The following TRDMT1 variants were observed in gnomAD, a reference collection of about 807,000 sequenced individuals.
TRDMT1 encodes the protein tRNA aspartic acid methyltransferase 1.
TRDMT1 carries 49 observed loss-of-function variants against 51.2 expected under a neutral mutation model. The ratio of observed to expected loss-of-function variants is 0.96; its 90% CI spans 0.76 to 1.21. The LOEUF is 1.21. Ranked by LOEUF, TRDMT1 falls within the 50% of genes most tolerant of loss-of-function variation. The pLI, the probability that TRDMT1 is intolerant of heterozygous loss-of-function variation, is 0.00. For missense variants in TRDMT1, 534 were observed against 462.3 expected (o/e 1.16, Z -1.42); for synonymous variants, 187 against 164.6 (o/e 1.14, Z -1.04).
In TRDMT1 at chr10:17,139,208, A is replaced by G; in HGVS notation, c.*9832T>C. 3 of 985,418 alleles carry G rather than the reference A, an allele frequency of 3.0e-6. No homozygotes were observed. In the South Asian group the frequency reaches 1.4e-4, roughly 46 times the overall value. 61.0% of individuals were successfully genotyped at this position (985,418 alleles called of 1,614,324 possible). On this transcript the variant is annotated 3_prime_UTR_variant, in exon 11 of 11. Transcript: ENST00000377799. ...CATCCTGTTCCAAATCAACCTAAAA[A>G]GGACAAAATGAGTTTTCTACTTGGT...
chr10:17,179,926 C>G (rs898469742), intron 1 of TRDMT1, among the ~76,000 whole-genome samples: 1 of 152,036 alleles, frequency 6.6e-6, no homozygotes, highest in African/African-American at 2.4e-5. Context: ...ATTTTCTTCC[C>G]AGGATATTTA....
chr10:17,195,204 C>G (rs7914746), intron 1 of TRDMT1, among the ~76,000 whole-genome samples: 2 of 151,990 alleles, frequency 1.3e-5, no homozygotes, highest in South Asian at 2.1e-4. Flanking sequence ...ATAGCAAAGA[C>G]GTGCCCATCA....
At chr10:17,151,847 C>T (rs545398538) in intron 10 of TRDMT1, 5 of 952,980 alleles carry the variant, frequency 5.2e-6, no homozygotes, top group Middle Eastern at 5.7e-4. Flanking sequence ...ATCACAATAA[C>T]TCTATGAAGC....
chr10:17,151,910 G>T, intron 10 of TRDMT1: 1 of 1,124,460 alleles, frequency 8.9e-7, no homozygotes, highest in Non-Finnish European at 1.1e-6. Flanking sequence ...GAAGGGAACG[G>T]TTAAGGTGGG....
At chr10:17,197,939 C>G (rs1845668461) in intron 1 of TRDMT1, among the ~76,000 whole-genome samples, 1 of 151,808 alleles carries the variant, frequency 6.6e-6, no homozygotes, top group Non-Finnish European at 1.5e-5. Context: ...GAGGCTGAGG[C>G]AGGAAGATCG....
At chr10:17,153,690 A>G in intron 9 of TRDMT1, 54 bp from the exon 10 acceptor site, 1 of 1,505,584 alleles carries the variant, frequency 6.6e-7, no homozygotes, top group Non-Finnish European at 8.9e-7. Context: ...TAGATTTAAG[A>G]TCTCCTGCTG....
rs1840173614 is a variant in TRDMT1, at chr10:17,160,422, C to A, written c.390-48G>T. 7.8e-6 allele frequency: 10 copies of A among 1,276,554 alleles called. No individual in the cohort carries two copies. The South Asian group carries it at 9.1e-5, about 12-fold the overall frequency. 79.1% of individuals were successfully genotyped at this position (1,276,554 alleles called of 1,614,324 possible). A position where few individuals can be genotyped will look rare whatever the true frequency, so the allele number is the denominator to read the frequency against. On this transcript the variant is annotated intron_variant, in intron 5 of 10. Coordinates refer to ENST00000377799, the MANE Select transcript of TRDMT1 (RefSeq NM_004412.7). ...TTAATTCTTACTTGGAAAGGCAGTT[C>A]TTATTTAAATAATGTACACAAAAGC...
chr10:17,181,942 T>C lies in TRDMT1; in HGVS notation c.65-7282A>G, dbSNP rs567169341. On this transcript the variant is annotated intron_variant, in intron 1 of 10. Coordinates refer to ENST00000377799, the MANE Select transcript of TRDMT1 (RefSeq NM_004412.7). ...GAAACTTACCTCACTCATGCTCTGT[T>C]GAAGTGGTTCAGATGGCCTCAAATC... Among the ~76,000 whole-genome samples, 4 of 152,304 alleles carry C rather than the reference T, an allele frequency of 2.6e-5. No individual in the cohort carries two copies. In the South Asian group the frequency reaches 8.3e-4, roughly 32 times the overall value.
chr10:17,148,170 T>C lies in TRDMT1; in HGVS notation c.*870A>G, dbSNP rs979478733. The C allele has an allele frequency of 5.1e-6, 5 of 985,300 alleles. No individual in the cohort carries two copies. The highest frequency in any genetic ancestry group is 4.8e-6 in the Non-Finnish European group (4 of 829,926). The allele number at this position is 985,300 out of a possible 1,614,324, so 61.0% of individuals were successfully genotyped here. On this transcript the variant is annotated 3_prime_UTR_variant, in exon 11 of 11. Coordinates refer to ENST00000377799, the MANE Select transcript of TRDMT1 (RefSeq NM_004412.7). ...CAGAGAAAGTTAAAAGTCATAAAAG[T>C]TCATTGAGAGTGTATGTTGCTACAA...
chr10:17,189,682 T>C (rs1844429611), intron 1 of TRDMT1, among the ~76,000 whole-genome samples: 1 of 152,204 alleles, frequency 6.6e-6, no homozygotes, highest in African/African-American at 2.4e-5. Flanking sequence ...TAGCGATCTA[T>C]TAAAGTTTAG....
chr10:17,201,290 T>A (rs143754388), intron 1 of TRDMT1: 528 of 403,978 alleles, frequency 1.3e-3, no homozygotes, highest in Non-Finnish European at 1.9e-3. Context: ...CCCTTTGAGG[T>A]TGATTTACTG....
At chr10:17,151,036 T>C (rs1045663105) in intron 10 of TRDMT1, 3 of 966,890 alleles carry the variant, frequency 3.1e-6, no homozygotes, top group Admixed American at 6.2e-5. Context: ...CATCTGTGCA[T>C]ATTTCTTTAA....
intron 3 of TRDMT1, among the ~76,000 whole-genome samples, chr10:17,163,860 T>C (rs1046179764): frequency 1.3e-5 from 2 of 152,230 alleles, no homozygotes; most frequent in African/African-American, 2.4e-5. Context: ...GGCTTTGAAA[T>C]TGAGGCAATA....
intron 1 of TRDMT1, among the ~76,000 whole-genome samples, chr10:17,188,084 T>C (rs988303220): frequency 6.7e-6 from 1 of 149,990 alleles, no homozygotes; most frequent in African/African-American, 2.4e-5. Context: ...AAACAAACTC[T>C]GTTTTTTGAA....
rs983703384 is a variant in TRDMT1, at chr10:17,137,990, A to G, written c.*11050T>C. 1.3e-5 allele frequency among the ~76,000 whole-genome samples: 2 copies of G among 152,164 alleles called. No individual in the cohort carries two copies. Among genetic ancestry groups the G allele is most frequent in the East Asian group, 3.9e-4 (2 of 5,192 alleles). Reference sequence around the variant, plus strand: ...AATAGGGGGATGTTCTTTTATCTTGAGTGCAATAATCCTTATGTGATATTT... The same window carrying G: ...AATAGGGGGATGTTCTTTTATCTTGGGTGCAATAATCCTTATGTGATATTT... On this transcript the variant is annotated 3_prime_UTR_variant, in exon 11 of 11. Transcript: ENST00000377799.
chr10:17,162,713 T>G (rs972369747), intron 3 of TRDMT1, among the ~76,000 whole-genome samples: 3 of 152,042 alleles, frequency 2.0e-5, no homozygotes, highest in Non-Finnish European at 2.9e-5. Context: ...CGTGGTGGGG[T>G]ACGCCTGTAA....
chr10:17,161,163 T>C (rs1840302429), intron 5 of TRDMT1, among the ~76,000 whole-genome samples: 1 of 152,190 alleles, frequency 6.6e-6, no homozygotes, highest in East Asian at 1.9e-4. Flanking sequence ...GACCAATTCT[T>C]ACTGAAAACA....
chr10:17,160,737 C>T (rs1840233809), intron 5 of TRDMT1, among the ~76,000 whole-genome samples: 1 of 152,148 alleles, frequency 6.6e-6, no homozygotes, highest in Non-Finnish European at 1.5e-5. Flanking sequence ...TCCCAAAGTG[C>T]TGGGATTACA....
At chr10:17,150,680 T>G (rs746220142) in intron 10 of TRDMT1, 2 of 984,724 alleles carry the variant, frequency 2.0e-6, no homozygotes, top group Non-Finnish European at 2.4e-6. Flanking sequence ...TTTCATATAC[T>G]CATGAGGACA....
Sources: gnomAD v4.1 joint callset for allele counts (sites outside exome capture counted in the v4.1 genomes callset) on GRCh38, gnomAD v4.1.1 for gene constraint, MANE v1.5 for transcripts, NCBI Gene and HGNC (gene_info 2026-07-23, HGNC 2026-07-21) for gene names.